Variants in RIMS1 observed in about 807,000 individuals in gnomAD.
The protein encoded by RIMS1 is regulating synaptic membrane exocytosis 1.
Under a neutral mutation model 214.1 loss-of-function variants are expected in RIMS1, and 83 were observed. That is an observed-to-expected ratio of 0.39 (90% CI 0.32 to 0.47). RIMS1 has a LOEUF of 0.47. Among genes scored for constraint, RIMS1 ranks in the 20% least tolerant of loss-of-function variants. The probability of loss-of-function intolerance (pLI) is 0.99; values close to 1 mark genes in which losing one functional copy is unlikely to be tolerated. For missense variants in RIMS1, 2,050 were observed against 2,161.8 expected, an observed-to-expected ratio of 0.95 and a Z score of 1.03; for synonymous variants, 793 against 786.8, an observed-to-expected ratio of 1.01 and a Z score of -0.13.
intron 30 of RIMS1, among the ~76,000 whole-genome samples, chr6:72,391,911 G>T (rs983936992): frequency 5.3e-5 from 8 of 152,044 alleles, no homozygotes; most frequent in African/African-American, 1.9e-4. Flanking sequence ...TTAATCTCTT[G>T]GATTTATTTT....
chr6:72,026,545 T>C (rs66706300), intron 2 of RIMS1, among the ~76,000 whole-genome samples: 10,072 of 149,216 alleles, frequency 0.067, 386 homozygotes, highest in Non-Finnish European at 0.083. Context: ...TTTGGAACTC[T>C]TCAAACCTCA....
chr6:72,335,718 A>T (rs2096821272), intron 29 of RIMS1, among the ~76,000 whole-genome samples: 2 of 152,112 alleles, frequency 1.3e-5, no homozygotes, highest in South Asian at 4.1e-4. Flanking sequence ...ATTTCTCCAC[A>T]TCCTCTCAAG....
intron 2 of RIMS1, among the ~76,000 whole-genome samples, chr6:71,986,002 A>G (rs2151536860): frequency 1.3e-5 from 2 of 152,314 alleles, no homozygotes; most frequent in Middle Eastern, 3.4e-3. Flanking sequence ...TTACACTTAG[A>G]ATTGCTAGAT....
intron 4 of RIMS1, among the ~76,000 whole-genome samples, chr6:72,165,615 C>A (rs996003665): frequency 1.9e-4 from 29 of 151,874 alleles, no homozygotes; most frequent in African/African-American, 6.8e-4. Flanking sequence ...AGGTTTATGT[C>A]CTGTTACCCA....
At position 72,283,834 on chromosome 6, in the gene RIMS1, G is replaced by A. The variant is rs562882342; in HGVS notation, c.3483-213G>A. On this transcript the variant is annotated intron_variant, in intron 23 of 33. Coordinates refer to ENST00000521978, the MANE Select transcript of RIMS1 (RefSeq NM_014989.7). ...GTCAGCTTCTCGTGTCTTCTATTGGGCAACTTGTGTCTTCCACTTGGCACC... is the reference window on the plus strand; with the variant it reads ...GTCAGCTTCTCGTGTCTTCTATTGGACAACTTGTGTCTTCCACTTGGCACC... 4.6e-5 allele frequency among the ~76,000 whole-genome samples: 7 copies of A among 152,142 alleles called. No homozygotes were observed. The South Asian group carries it at 1.5e-3, about 32-fold the overall frequency.
At chr6:72,276,875 A>G (rs991256669) in intron 23 of RIMS1, among the ~76,000 whole-genome samples, 15 of 152,190 alleles carry the variant, frequency 9.9e-5, no homozygotes, top group African/African-American at 2.9e-4. Context: ...GTTTCTACCA[A>G]TTTCTAAATG....
At chr6:72,388,605 T>C (rs2098652769) in intron 29 of RIMS1, among the ~76,000 whole-genome samples, 1 of 152,178 alleles carries the variant, frequency 6.6e-6, no homozygotes, top group Non-Finnish European at 1.5e-5. Flanking sequence ...GCTGTACGGG[T>C]ATGGCACTGC....
At chr6:72,263,237 T>G in intron 19 of RIMS1, 1 of 985,132 alleles carries the variant, frequency 1.0e-6, no homozygotes, top group Non-Finnish European at 1.2e-6. Flanking sequence ...ATGTTTAGTT[T>G]CTTTTCTCCC....
At chr6:71,942,593 A>G (rs922236084) in intron 1 of RIMS1, among the ~76,000 whole-genome samples, 2 of 152,176 alleles carry the variant, frequency 1.3e-5, no homozygotes, top group African/African-American at 2.4e-5. Context: ...TAAGCAACAC[A>G]GAGATACAGG....
At chr6:72,161,766 T>A (rs2045453454) in intron 4 of RIMS1, among the ~76,000 whole-genome samples, 1 of 140,932 alleles carries the variant, frequency 7.1e-6, no homozygotes, top group Non-Finnish European at 1.6e-5. Context: ...TTTGTTGTGA[T>A]TTCTGTCCTT....
At chr6:72,385,247 G>T (rs1247169763) in intron 29 of RIMS1, among the ~76,000 whole-genome samples, 2 of 151,994 alleles carry the variant, frequency 1.3e-5, no homozygotes, top group African/African-American at 4.8e-5. Flanking sequence ...ATTCCTAAAA[G>T]CATAAAAGCA....
chr6:72,358,127 T>C (rs566398516), intron 29 of RIMS1, among the ~76,000 whole-genome samples: 2 of 152,148 alleles, frequency 1.3e-5, no homozygotes, highest in Non-Finnish European at 2.9e-5. Flanking sequence ...GAAATTATTT[T>C]TTCCCTTTTG....
In RIMS1 at chr6:72,308,947, G is replaced by A. The variant is rs181127645; in HGVS notation, c.3963+1577G>A. ...AATGCAGTGAGAATTAGAAGGCAGG[G>A]TAATTTGGGGTTTTGTTTTCCCTCT... is the stretch of plus-strand genomic sequence containing the variant. On this transcript the variant is annotated intron_variant, in intron 27 of 33. Transcript: ENST00000521978. 2.0e-5 allele frequency among the ~76,000 whole-genome samples: 3 copies of A among 152,236 alleles called. No individual in the cohort carries two copies. The East Asian group carries it at 5.8e-4, about 29-fold the overall frequency.
At chr6:72,151,880 C>T (rs2043644927) in intron 4 of RIMS1, among the ~76,000 whole-genome samples, 3 of 152,190 alleles carry the variant, frequency 2.0e-5, no homozygotes, top group African/African-American at 7.2e-5. Context: ...GTCATATCCA[C>T]TTCTGGTGAG....
chr6:72,274,545 A>G, intron 23 of RIMS1, 113 bp downstream of exon 23: 1 of 786,124 alleles, frequency 1.3e-6, no homozygotes, highest in Admixed American at 2.0e-5. Flanking sequence ...CAGGAGCCAG[A>G]GCCAGATATG....
intron 22 of RIMS1, chr6:72,266,276 C>G (rs533123604): frequency 3.7e-6 from 2 of 547,588 alleles, no homozygotes; most frequent in African/African-American, 3.8e-5. Flanking sequence ...TTGCAAATGG[C>G]GTGGTGTAAT....
At chr6:72,201,776 T>A (rs150846008) in intron 6 of RIMS1, among the ~76,000 whole-genome samples, 12 of 152,324 alleles carry the variant, frequency 7.9e-5, no homozygotes, top group Non-Finnish European at 1.8e-4. Flanking sequence ...TGAGTCCACA[T>A]TCCAGAGTTG....
rs2098688161 is a variant in RIMS1, at chr6:72,390,657, G to A, written c.4426G>A (p.Ala1476Thr). ...GAGAAGCACAGAAACAGGCATGGCA[G>A]CTGAAATGAGAAAGATGGTAAGGCA... ...IQRSTETGMA[A>T]EMRKMVRQPS... The change falls in exon 30 of 34, where the codon GCT becomes ACT. Residue 1476 changes from alanine to threonine, a missense_variant. Ala to Thr is a moderately conservative substitution (Grantham distance 58). Transcript: ENST00000521978. 14 of 1,613,770 alleles carry A rather than the reference G, an allele frequency of 8.7e-6. No homozygotes were observed. The highest frequency in any genetic ancestry group is 1.1e-5 in the Non-Finnish European group (13 of 1,179,832).
chr6:72,271,279 AAAAAAAAAT>A (rs1177617242), intron 22 of RIMS1, among the ~76,000 whole-genome samples: 11 of 66,844 alleles, frequency 1.6e-4, no homozygotes, highest in East Asian at 1.5e-3. Flanking sequence ...GAAAAAAAAA[AAAAAAAAAT>A]ATATATATAT....
Sources: gnomAD v4.1 joint callset for allele counts (sites outside exome capture counted in the v4.1 genomes callset) on GRCh38, gnomAD v4.1.1 for gene constraint, MANE v1.5 for transcripts, NCBI Gene and HGNC (gene_info 2026-07-23, HGNC 2026-07-21) for gene names.